The following PALM variants were observed in gnomAD, a reference collection of about 807,000 sequenced individuals.
PALM encodes paralemmin-1.
In PALM, 18 loss-of-function variants were observed where a neutral mutation model predicts 30.7. The observed-to-expected ratio is 0.59, with a 90% CI of 0.41 to 0.87. The LOEUF is 0.87. Ranked by LOEUF, PALM falls within the 40% of genes least tolerant of loss-of-function variation. The pLI is 0.00. For missense variants in PALM, 529 were observed against 555.4 expected (o/e 0.95, Z 0.48); for synonymous variants, 286 against 242.8 (o/e 1.18, Z -1.66).
At chr19:730,893 C>T (rs189226152) in intron 4 of PALM, among the ~76,000 whole-genome samples, 1 of 152,124 alleles carries the variant, frequency 6.6e-6, no homozygotes, top group African/African-American at 2.4e-5. Context: ...CCCAGCTACT[C>T]GAGACCCTGA....
chr19:727,911 C>T (rs1159206307), intron 4 of PALM: 3 of 558,844 alleles, frequency 5.4e-6, no homozygotes, highest in African/African-American at 1.9e-5. Context: ...GGGGCAGAGG[C>T]TGGCTGCGTG....
intron 1 of PALM, among the ~76,000 whole-genome samples, chr19:724,945 G>T (rs2032610948): frequency 6.6e-6 from 1 of 150,924 alleles, no homozygotes; most frequent in African/African-American, 2.4e-5. Context: ...TTTGCGACAG[G>T]GTCTCACTCT....
chr19:718,875 C>A (rs919003239), intron 1 of PALM, among the ~76,000 whole-genome samples: 1 of 151,856 alleles, frequency 6.6e-6, no homozygotes, highest in Admixed American at 6.6e-5. Context: ...CAGGGCAGGG[C>A]GGTGGAGGAA....
intron 8 of PALM, among the ~76,000 whole-genome samples, chr19:741,175 T>G (rs2144920752): frequency 6.6e-6 from 1 of 151,738 alleles, no homozygotes; most frequent in South Asian, 2.1e-4. Context: ...ATTGCTAGCG[T>G]GACAGAAGCC....
intron 4 of PALM, among the ~76,000 whole-genome samples, chr19:729,303 G>T (rs2032791434): frequency 6.6e-6 from 1 of 151,692 alleles, no homozygotes; most frequent in African/African-American, 2.4e-5. Flanking sequence ...TCCAGCCTGG[G>T]GGACAGAGCG....
chr19:734,990 T>C (rs76864684), intron 6 of PALM: 35,567 of 848,372 alleles, frequency 0.042, 1,159 homozygotes, highest in East Asian at 0.17. Flanking sequence ...AATTAAAAAT[T>C]AATCATTAAA....
rs879518470 is a variant in PALM at position 747,072 on chromosome 19, G to A, written c.*258G>A. 1.5e-5 allele frequency: 7 copies of A among 453,106 alleles called. No homozygotes were observed. Among genetic ancestry groups the A allele is most frequent in the South Asian group, 3.1e-5 (1 of 31,782 alleles). The allele number at this position is 453,106 out of a possible 1,614,324, so 28.1% of individuals were successfully genotyped here. A position where few individuals can be genotyped will look rare whatever the true frequency, so the allele number is the denominator to read the frequency against. On this transcript the variant is annotated 3_prime_UTR_variant, in exon 9 of 9. Transcript: ENST00000338448. ...GAGACAGGACAGACCCGCTTTTCCCGAGACAAGGACCCCCCATGTCACGGC... is the reference window on the plus strand; with the variant it reads ...GAGACAGGACAGACCCGCTTTTCCCAAGACAAGGACCCCCCATGTCACGGC...
intron 2 of PALM, among the ~76,000 whole-genome samples, 166 bp from the exon 3 acceptor site, chr19:726,842 C>G (rs573467562): frequency 5.3e-5 from 8 of 151,752 alleles, no homozygotes; most frequent in African/African-American, 1.9e-4. Flanking sequence ...GCTGCTGTCC[C>G]GGGCTGGAGT....
Position 727,155 on chromosome 19 carries a change from C to T in PALM, c.138+67C>T, listed in dbSNP as rs1477122493. Reference sequence around the variant, plus strand: ...GCTGTGAGGCGGAGGCCCCGGACTCCTGCCCAACCCTGACCCTGACCCCAA... The same window carrying T: ...GCTGTGAGGCGGAGGCCCCGGACTCTTGCCCAACCCTGACCCTGACCCCAA... On this transcript the variant is annotated intron_variant, in intron 3 of 8. Transcript: ENST00000338448. 8 of 1,041,548 alleles carry T rather than the reference C, an allele frequency of 7.7e-6. No individual in the cohort carries two copies. In the South Asian group the frequency reaches 8.3e-5, roughly 11 times the overall value. 64.5% of individuals were successfully genotyped at this position (1,041,548 alleles called of 1,614,324 possible). A position where few individuals can be genotyped will look rare whatever the true frequency, so the allele number is the denominator to read the frequency against.
Position 731,252 on chromosome 19 carries a change from G to T in PALM, c.420+7G>T. 6.3e-7 allele frequency: 1 copy of T among 1,599,502 alleles called. No individual in the cohort carries two copies. The highest frequency in any genetic ancestry group is 1.1e-5 in the South Asian group (1 of 89,226). ...GGTGATGAATTCACAGCAGGTAAGG[G>T]GGTGACTGGGGGGAGCGGATCCCCA... On this transcript the variant is annotated splice_region_variant and intron_variant, in intron 5 of 8. Transcript: ENST00000338448.
Position 727,003 on chromosome 19 carries a change from C to CCCCCCCCCGAA in PALM, c.58-5_58-4insCCCCCCCCGAA. 1 of 1,524,294 alleles carries CCCCCCCCCGAA rather than the reference C, an allele frequency of 6.6e-7. No homozygotes were observed. The highest frequency in any genetic ancestry group is 8.9e-7 in the Non-Finnish European group (1 of 1,124,958). The allele number at this position is 1,524,294 out of a possible 1,614,324, so 94.4% of individuals were successfully genotyped here. On this transcript the variant is annotated splice_polypyrimidine_tract_variant and splice_region_variant and intron_variant, in intron 2 of 8. Transcript: ENST00000338448. ...ATCCCTGACCCCACCCGGCCCTCCCCACAGGAGAAGCGGAAGCGGCAGGCG... is the reference window on the plus strand; with the variant it reads ...ATCCCTGACCCCACCCGGCCCTCCCCCCCCCCCCGAAACAGGAGAAGCGGAAGCGGCAGGCG...
chr19:734,219 G>C (rs762740857), intron 6 of PALM, 25 bp downstream of exon 6: 19 of 1,611,648 alleles, frequency 1.2e-5, no homozygotes, highest in Non-Finnish European at 4.2e-6. Flanking sequence ...AGGAACTCGT[G>C]GGGCCTCGGC....
At chr19:727,483 T>C in intron 3 of PALM, 81 bp from the exon 4 acceptor site, 6 of 1,206,508 alleles carry the variant, frequency 5.0e-6, no homozygotes, top group South Asian at 3.9e-5. Context: ...CCGACCCTGA[T>C]CCTGACCCTG....
chr19:716,212 GACCA>G (rs907551541), intron 1 of PALM, among the ~76,000 whole-genome samples: 4 of 152,074 alleles, frequency 2.6e-5, no homozygotes, highest in Non-Finnish European at 4.4e-5. Flanking sequence ...AGGAGTTCGA[GACCA>G]GCCTGGTCAA....
intron 3 of PALM, 115 bp downstream of exon 3, chr19:727,203 C>A (rs1174126885): frequency 4.9e-5 from 24 of 492,178 alleles, no homozygotes; most frequent in Admixed American, 1.2e-4. Context: ...CCTGACCCTG[C>A]CTCCAGCCCT....
intron 1 of PALM, chr19:719,101 G>A (rs1357759220): frequency 9.1e-6 from 9 of 984,902 alleles, no homozygotes; most frequent in Middle Eastern, 5.2e-4. Flanking sequence ...AATGTTCCCG[G>A]CGCTGGGCTC....
intron 1 of PALM, among the ~76,000 whole-genome samples, chr19:725,168 C>T (rs11882864): frequency 0.23 from 34,066 of 150,916 alleles, 4,175 homozygotes; most frequent in African/African-American, 0.32. Context: ...TCAAGTGATC[C>T]GCCTGCCTCA....
chr19:721,928 A>G (rs1048741042), intron 1 of PALM, among the ~76,000 whole-genome samples: 1 of 145,182 alleles, frequency 6.9e-6, no homozygotes, highest in Non-Finnish European at 1.5e-5. Context: ...TTTTTAATAT[A>G]TATTTTTTGA....
At chr19:743,565 A>G (rs1385067861) in intron 8 of PALM, among the ~76,000 whole-genome samples, 4 of 152,194 alleles carry the variant, frequency 2.6e-5, no homozygotes, top group African/African-American at 7.2e-5. Context: ...TAGAAACTGA[A>G]AGTGGAGAAC....
Sources: allele counts gnomAD v4.1 joint callset (sites outside exome capture counted in the v4.1 genomes callset), GRCh38; gene constraint gnomAD v4.1.1; transcripts MANE v1.5; gene names NCBI Gene and HGNC (gene_info 2026-07-23, HGNC 2026-07-21).